The following RIMKLB variants were observed in gnomAD, a reference collection of about 807,000 sequenced individuals.
RIMKLB encodes the protein ribosomal modification protein rimK like family member B.
Under a neutral mutation model 32.0 loss-of-function variants are expected in RIMKLB, and 7 were observed. That is an observed-to-expected ratio of 0.22 (90% CI 0.12 to 0.41). The LOEUF (loss-of-function observed/expected upper bound fraction) is 0.41, where lower values mean the gene tolerates loss of function less well. Ranked by LOEUF, RIMKLB falls within the 10% of genes least tolerant of loss-of-function variation. RIMKLB has a pLI of 1.00. For synonymous variants in RIMKLB, 172 were observed against 185.1 expected, an observed-to-expected ratio of 0.93 and a Z score of 0.57; for missense variants, 289 against 498.7, an observed-to-expected ratio of 0.58 and a Z score of 4.00.
At chr12:8,674,710 C>A in the RIMKLB span, among the ~76,000 whole-genome samples, 6 of 150,412 alleles carry the variant, frequency 4.0e-5, no homozygotes, top group South Asian at 4.2e-4. Flanking sequence ...ACACCATGCC[C>A]AACTAATTTT....
chr12:8,731,299 C>T (rs1014836376), intron 2 of RIMKLB, among the ~76,000 whole-genome samples: 6 of 145,874 alleles, frequency 4.1e-5, no homozygotes, highest in East Asian at 4.2e-4. Context: ...GGTTTCGCCA[C>T]GTTGGCCAGG....
At chr12:8,764,975 C>T (rs774543334) in intron 5 of RIMKLB, among the ~76,000 whole-genome samples, 1 of 149,524 alleles carries the variant, frequency 6.7e-6, no homozygotes, top group African/African-American at 2.5e-5. Context: ...TCCACCTGCT[C>T]CTCCTGATTT....
At chr12:8,678,527 C>G (rs994646571), upstream of RIMKLB, among the ~76,000 whole-genome samples, 1 of 151,058 alleles carries the variant, frequency 6.6e-6, no homozygotes, top group African/African-American at 2.4e-5. Context: ...GGGGTTTCTC[C>G]ATGTTTGTCA....
upstream of RIMKLB, among the ~76,000 whole-genome samples, chr12:8,692,530 AT>A (rs768868558): frequency 2.6e-5 from 4 of 152,054 alleles, no homozygotes; most frequent in Non-Finnish European, 4.4e-5. Context: ...GGAAAAAAAA[AT>A]CTTAACCAGA....
chr12:8,765,989 G>A (rs1473247323), intron 5 of RIMKLB, among the ~76,000 whole-genome samples: 1 of 151,922 alleles, frequency 6.6e-6, no homozygotes, highest in Non-Finnish European at 1.5e-5. Context: ...AGGATATCGT[G>A]GCCAGGCAGT....
intron 5 of RIMKLB, among the ~76,000 whole-genome samples, chr12:8,771,372 A>C (rs1260862875): frequency 6.6e-6 from 1 of 152,116 alleles, no homozygotes; most frequent in Non-Finnish European, 1.5e-5. Flanking sequence ...TGAAAGGAGG[A>C]CAGGGGAAGG....
At chr12:8,710,043 G>C (rs1421249026) in intron 1 of RIMKLB, among the ~76,000 whole-genome samples, 1 of 152,038 alleles carries the variant, frequency 6.6e-6, no homozygotes, top group African/African-American at 2.4e-5. Context: ...CTGGAGTCCA[G>C]TGGCATCATC....
At chr12:8,680,224 C>T (rs1431956499), upstream of RIMKLB, among the ~76,000 whole-genome samples, 1 of 152,218 alleles carries the variant, frequency 6.6e-6, no homozygotes, top group African/African-American at 2.4e-5. Context: ...GGCGCGATCT[C>T]GGCTCACTGC....
chr12:8,703,882 A>G (rs924595777), intron 1 of RIMKLB, among the ~76,000 whole-genome samples: 1 of 152,244 alleles, frequency 6.6e-6, no homozygotes. Context: ...ATAATTACTC[A>G]GTATGTGAAT....
At chr12:8,682,928 G>A (rs1254008035) in intron 1 of RIMKLB, among the ~76,000 whole-genome samples, 1 of 150,964 alleles carries the variant, frequency 6.6e-6, no homozygotes, top group Non-Finnish European at 1.5e-5. Flanking sequence ...GAGCTACCGC[G>A]CCCGGCCTGC....
chr12:8,706,001 A>G (rs1943842653), intron 1 of RIMKLB, among the ~76,000 whole-genome samples: 1 of 152,204 alleles, frequency 6.6e-6, no homozygotes, highest in Non-Finnish European at 1.5e-5. Context: ...ACGTATAGAA[A>G]ATACCTTCAG....
upstream of RIMKLB, among the ~76,000 whole-genome samples, chr12:8,692,362 A>G (rs1942757256): frequency 6.6e-6 from 1 of 152,226 alleles, no homozygotes; most frequent in Non-Finnish European, 1.5e-5. Context: ...GTGTCTAAAG[A>G]TCATTTAGTA....
intron 1 of RIMKLB, among the ~76,000 whole-genome samples, chr12:8,705,387 G>C (rs995221235): frequency 6.7e-6 from 1 of 150,336 alleles, no homozygotes; most frequent in Non-Finnish European, 1.5e-5. Context: ...TGAGGCAAGA[G>C]AATCGCTTGA....
intron 1 of RIMKLB, among the ~76,000 whole-genome samples, chr12:8,713,335 G>C (rs1220535614): frequency 6.6e-6 from 1 of 151,738 alleles, no homozygotes; most frequent in East Asian, 1.9e-4. Context: ...AACAAAACCA[G>C]GGAAGAAAAT....
chr12:8,717,790 G>C (rs1463779814), intron 2 of RIMKLB, among the ~76,000 whole-genome samples: 10 of 152,016 alleles, frequency 6.6e-5, no homozygotes, highest in Non-Finnish European at 1.3e-4. Context: ...CGGAATTATG[G>C]CTCTAGTTAT....
chr12:8,782,965 A>G (rs977907264), exon 8 of RIMKLB: 1 of 152,106 alleles, frequency 6.6e-6, no homozygotes, highest in African/African-American at 2.4e-5. Flanking sequence ...AACAGAATGG[A>G]TGAAGATAGA....
At chr12:8,698,440 G>A (rs749814334) in intron 1 of RIMKLB, 143 bp downstream of exon 1, 1 of 155,934 alleles carries the variant, frequency 6.4e-6, no homozygotes, top group Admixed American at 6.5e-5. Context: ...CGCGCCCGGG[G>A]TCCGGGGCTA....
upstream of RIMKLB, among the ~76,000 whole-genome samples, chr12:8,677,493 A>C (rs1019608341): frequency 2.0e-5 from 3 of 152,108 alleles, no homozygotes; most frequent in African/African-American, 7.2e-5. Context: ...AGCTCTGTTC[A>C]GTCATTACTC....
At chr12:8,726,632 C>A (rs1946034222) in intron 2 of RIMKLB, among the ~76,000 whole-genome samples, 1 of 150,622 alleles carries the variant, frequency 6.6e-6, no homozygotes, top group South Asian at 2.1e-4. Flanking sequence ...TATTTTTTAC[C>A]CACAAGTTTA....
Sources: gnomAD v4.1 joint callset for allele counts (sites outside exome capture counted in the v4.1 genomes callset) on GRCh38, gnomAD v4.1.1 for gene constraint, MANE v1.5 for transcripts, NCBI Gene and HGNC (gene_info 2026-07-23, HGNC 2026-07-21) for gene names.